The following TBC1D12 variants were observed in gnomAD, a reference collection of about 807,000 sequenced individuals.
TBC1D12 encodes TBC1 domain family, member 12.
Under a neutral mutation model 86.7 loss-of-function variants are expected in TBC1D12, and 56 were observed. That is an observed-to-expected ratio of 0.65 (90% CI 0.52 to 0.81). TBC1D12 has a LOEUF of 0.81. TBC1D12 is among the 30% of genes least tolerant of loss of function. TBC1D12 has a pLI of 0.00. For missense variants in TBC1D12, 1,023 were observed against 1,038.8 expected, an observed-to-expected ratio of 0.98 and a Z score of 0.21; for synonymous variants, 421 against 411.7, an observed-to-expected ratio of 1.02 and a Z score of -0.27.
chr10:94,403,835 G>A (rs1476870760), intron 1 of TBC1D12, among the ~76,000 whole-genome samples: 1 of 152,210 alleles, frequency 6.6e-6, no homozygotes, highest in Non-Finnish European at 1.5e-5. Flanking sequence ...CCTTGTCCGC[G>A]GGAGGCTGTA....
intron 9 of TBC1D12, among the ~76,000 whole-genome samples, chr10:94,514,858 T>C (rs1005931607): frequency 2.0e-5 from 3 of 151,970 alleles, no homozygotes; most frequent in African/African-American, 4.8e-5. Context: ...TTTTCTATAA[T>C]AGCTGTACTA....
chr10:94,511,165 C>T (rs2056522100), intron 8 of TBC1D12, among the ~76,000 whole-genome samples: 1 of 134,536 alleles, frequency 7.4e-6, no homozygotes, highest in Non-Finnish European at 1.5e-5. Flanking sequence ...TGGCACAGTC[C>T]TGGCTCAGTG....
At chr10:94,483,234 T>C (rs1255496651) in intron 3 of TBC1D12, among the ~76,000 whole-genome samples, 2 of 152,122 alleles carry the variant, frequency 1.3e-5, no homozygotes, top group African/African-American at 2.4e-5. Flanking sequence ...GGAGTGCAGA[T>C]ATTTCTTTGA....
At chr10:94,494,826 G>A (rs750264143) in intron 4 of TBC1D12, among the ~76,000 whole-genome samples, 6 of 152,178 alleles carry the variant, frequency 3.9e-5, no homozygotes, top group Non-Finnish European at 8.8e-5. Flanking sequence ...TTTCAGGTGT[G>A]AGCCACCACA....
At chr10:94,411,343 C>G (rs946758941) in intron 1 of TBC1D12, among the ~76,000 whole-genome samples, 1 of 152,104 alleles carries the variant, frequency 6.6e-6, no homozygotes, top group African/African-American at 2.4e-5. Flanking sequence ...CTTTAACTTC[C>G]AGACCATGAG....
chr10:94,444,217 A>G (rs1281515977), intron 2 of TBC1D12, among the ~76,000 whole-genome samples: 2 of 151,358 alleles, frequency 1.3e-5, no homozygotes, highest in African/African-American at 2.4e-5. Context: ...TCTTTTTTCA[A>G]TTTATGTGTA....
At chr10:94,425,555 A>G (rs1353233476) in intron 1 of TBC1D12, among the ~76,000 whole-genome samples, 1 of 152,192 alleles carries the variant, frequency 6.6e-6, no homozygotes, top group Non-Finnish European at 1.5e-5. Flanking sequence ...TGGAGCTCAC[A>G]CTGTAATGCA....
In TBC1D12 at chr10:94,441,934, T is replaced by C. The variant is rs1237572529; in HGVS notation, c.1010T>C (p.Val337Ala). Reference protein sequence around the residue: ...FPKRTKELKSVVHSAPGWKLF... With the variant: ...FPKRTKELKSAVHSAPGWKLF... The stretch of plus-strand genomic sequence containing the variant: ...AAAAGGACAAAGGAACTCAAATCAG[T>C]TGTCCATAGTGCTCCTGGTTGGAAA... Residue 337 changes from valine (V) to alanine (A), a missense_variant, in exon 2 of 13, where the codon GTT (valine) becomes GCT (alanine). Around this residue, in one of 2 missense-constraint regions of TBC1D12, gnomAD observed 628 missense variants for 531.1 expected, o/e 1.18. Coordinates refer to ENST00000225235, the MANE Select transcript of TBC1D12 (RefSeq NM_015188.2). The C allele has an allele frequency of 1.2e-6, 2 of 1,613,302 alleles. No homozygotes were observed. The highest frequency in any genetic ancestry group is 1.7e-6 in the Non-Finnish European group (2 of 1,179,638).
chr10:94,501,111 T>C (rs1008200920), intron 6 of TBC1D12, among the ~76,000 whole-genome samples: 3 of 150,716 alleles, frequency 2.0e-5, no homozygotes, highest in African/African-American at 7.3e-5. Context: ...AATAAATAAA[T>C]AAATAAAATA....
Position 94,474,719 on chromosome 10 carries a change from A to G in TBC1D12, c.1147A>G (p.Arg383Gly). ...CTGTAAACCACCACCTCAGTCTTCA[A>G]GACGCAAGAATTTTGAATTTGAGCC... ...RTCKPPPQSS[R>G]RKNFEFEPLS... The change falls in exon 3 of 13, where the codon AGA becomes GGA. Residue 383 changes from arginine (R) to glycine (G), a missense_variant. Physicochemically the swap from Arg to Gly is moderately radical, Grantham distance 125. Coordinates refer to ENST00000225235, the MANE Select transcript of TBC1D12 (RefSeq NM_015188.2). 6.2e-7 allele frequency: 1 copy of G among 1,614,148 alleles called. No homozygotes were observed. The highest frequency in any genetic ancestry group is 2.2e-5 in the East Asian group (1 of 44,878).
At chr10:94,416,992 A>G (rs149208722) in intron 1 of TBC1D12, among the ~76,000 whole-genome samples, 3 of 152,202 alleles carry the variant, frequency 2.0e-5, no homozygotes, top group Non-Finnish European at 2.9e-5. Flanking sequence ...GGTTGGGTCT[A>G]AATTATGGGG....
chr10:94,488,477 G>T (rs561745692), intron 3 of TBC1D12, among the ~76,000 whole-genome samples: 1 of 127,640 alleles, frequency 7.8e-6, no homozygotes, highest in African/African-American at 3.0e-5. Flanking sequence ...TGCAACCTCC[G>T]CCTCCTGGGT....
intron 2 of TBC1D12, among the ~76,000 whole-genome samples, chr10:94,451,667 T>G (rs917022352): frequency 1.3e-5 from 2 of 152,160 alleles, no homozygotes; most frequent in African/African-American, 4.8e-5. Flanking sequence ...CCTATAGGTC[T>G]GCTTATATCA....
intron 3 of TBC1D12, among the ~76,000 whole-genome samples, chr10:94,481,397 G>A (rs1467064989): frequency 6.6e-6 from 1 of 152,058 alleles, no homozygotes; most frequent in South Asian, 2.1e-4. Flanking sequence ...AGTGATCTTA[G>A]TGTATCTTCT....
chr10:94,478,110 G>A (rs1310003310), intron 3 of TBC1D12, among the ~76,000 whole-genome samples: 1 of 151,986 alleles, frequency 6.6e-6, no homozygotes, highest in Admixed American at 6.6e-5. Flanking sequence ...GTGAGACCCT[G>A]TCTCTACCAA....
intron 2 of TBC1D12, among the ~76,000 whole-genome samples, chr10:94,472,419 T>TG (rs1455381081): frequency 6.6e-6 from 1 of 152,194 alleles, no homozygotes; most frequent in African/African-American, 2.4e-5. Context: ...TAACAGTGCA[T>TG]GGTTACACAG....
At chr10:94,434,537 T>C (rs1375656271) in intron 1 of TBC1D12, among the ~76,000 whole-genome samples, 1 of 151,932 alleles carries the variant, frequency 6.6e-6, no homozygotes, top group East Asian at 1.9e-4. Context: ...GAAAATCTTT[T>C]AACCATTTTA....
At position 94,522,109 on chromosome 10, in the gene TBC1D12, G is replaced by T. The variant is rs763623086; in HGVS notation, c.1890+26G>T. The T allele has an allele frequency of 1.5e-5, 24 of 1,598,526 alleles. No individual in the cohort carries two copies. The East Asian group carries it at 4.7e-4, about 31-fold the overall frequency. On this transcript the variant is annotated intron_variant, in intron 10 of 12. Transcript: ENST00000225235. ...GTATGAATGGATCATGTTTTCCATT[G>T]TTTCTGTAGTTTGAATGCCCTCTTA...
chr10:94,412,768 T>C (rs1002302978), intron 1 of TBC1D12, among the ~76,000 whole-genome samples: 6 of 152,258 alleles, frequency 3.9e-5, no homozygotes, highest in African/African-American at 1.4e-4. Flanking sequence ...AAGTGTGTCC[T>C]TTTTGAGACA....
Sources: gnomAD v4.1 joint callset for allele counts (sites outside exome capture counted in the v4.1 genomes callset) on GRCh38, gnomAD v4.1.1 for gene constraint, gnomAD v4.1.1 regional missense constraint, MANE v1.5 for transcripts, NCBI Gene and HGNC (gene_info 2026-07-23, HGNC 2026-07-21) for gene names.